Variants in MYH15 observed in about 807,000 individuals in gnomAD.
MYH15 encodes myosin-15.
MYH15 carries 227 observed loss-of-function variants against 240.5 expected under a neutral mutation model. The ratio of observed to expected loss-of-function variants is 0.94; its 90% CI spans 0.85 to 1.05. MYH15 has a LOEUF of 1.05. MYH15 is among the 50% of genes least tolerant of loss of function. The pLI is 0.00. For synonymous variants in MYH15, 785 were observed against 796.7 expected (o/e 0.99, Z 0.25); for missense variants, 2,217 against 2,247.5 (o/e 0.99, Z 0.27).
chr3:108,487,059 T>C (rs6437784), intron 9 of MYH15, among the ~76,000 whole-genome samples: 5,883 of 152,244 alleles, frequency 0.039, 370 homozygotes, highest in African/African-American at 0.13. Context: ...TTTCAAGGGA[T>C]CCATAAATCA....
chr3:108,392,057 C>T, intron 36 of MYH15, 127 bp from the exon 37 acceptor site: 1 of 1,018,152 alleles, frequency 9.8e-7, no homozygotes, highest in Non-Finnish European at 1.5e-6. Flanking sequence ...GATCTCTTCC[C>T]ATTATAATCT....
intron 12 of MYH15, among the ~76,000 whole-genome samples, chr3:108,474,557 C>A (rs904146585): frequency 1.3e-5 from 2 of 150,962 alleles, no homozygotes; most frequent in Non-Finnish European, 2.9e-5. Flanking sequence ...TATTTTGATA[C>A]ATGTATACAA....
Position 108,389,026 on chromosome 3 carries a change from C to G in MYH15, c.5479G>C (p.Glu1827Gln), listed in dbSNP as rs1161579210. Residue 1827 changes from glutamate (E) to glutamine (Q), a missense_variant, in exon 38 of 41, where the codon GAG (glutamate) becomes CAG (glutamine). Transcript: ENST00000693548. ...AGTCTGCGGGCTCCCCTCTGGGCCTCTGCACTGCGACGGATTTCACCCTCC... is the reference window on the plus strand; with the variant it reads ...AGTCTGCGGGCTCCCCTCTGGGCCTGTGCACTGCGACGGATTTCACCCTCC... ...ELEGEIRRSA[E>Q]AQRGARRLER... 1.7e-5 allele frequency: 27 copies of G among 1,613,958 alleles called. No individual in the cohort carries two copies. The highest frequency in any genetic ancestry group is 2.3e-5 in the Non-Finnish European group (27 of 1,179,882).
intron 37 of MYH15, among the ~76,000 whole-genome samples, chr3:108,390,767 G>A (rs183282972): frequency 5.4e-4 from 82 of 152,188 alleles, no homozygotes; most frequent in African/African-American, 1.8e-3. Context: ...AAATTTTAGA[G>A]ACTGCTGAGT....
At position 108,445,154 on chromosome 3, in the gene MYH15, A is replaced by G. The variant is rs144646591; in HGVS notation, c.2400-259T>C. The stretch of plus-strand genomic sequence containing the variant: ...ATTCTTTGAATGAGAGCTGAACCTA[A>G]AGAGAGTAAGACATATAGAAGGCAC... On this transcript the variant is annotated intron_variant, in intron 21 of 40. Coordinates refer to ENST00000693548, the MANE Select transcript of MYH15 (RefSeq NM_014981.3). 8.9e-3 allele frequency among the ~76,000 whole-genome samples: 1,351 copies of G among 152,342 alleles called. 16 individuals are homozygous for G. The highest frequency in any genetic ancestry group is 0.031 in the African/African-American group (1,288 of 41,576).
chr3:108,419,294 T>G (rs148316978), intron 28 of MYH15, among the ~76,000 whole-genome samples: 3 of 151,996 alleles, frequency 2.0e-5, no homozygotes, highest in Admixed American at 2.0e-4. Context: ...TTGAATAAAT[T>G]TGTACTTCTA....
chr3:108,497,156 G>GAA, intron 6 of MYH15, among the ~76,000 whole-genome samples: 1 of 30,500 alleles, frequency 3.3e-5, no homozygotes, highest in Non-Finnish European at 5.1e-5. Flanking sequence ...GCGAGACTCC[G>GAA]TAAAAAAAAA....
At chr3:108,399,675 T>C (rs745758567) in intron 33 of MYH15, among the ~76,000 whole-genome samples, 2 of 152,282 alleles carry the variant, frequency 1.3e-5, no homozygotes, top group South Asian at 2.1e-4. Flanking sequence ...CTACTTTCAA[T>C]GATGAAAAAT....
intron 26 of MYH15, among the ~76,000 whole-genome samples, chr3:108,429,871 A>G (rs1349600937): frequency 6.6e-6 from 1 of 152,220 alleles, no homozygotes; most frequent in Admixed American, 6.5e-5. Context: ...CCAACTGGTT[A>G]TCATGGGATC....
At chr3:108,468,012 C>A (rs1214245957) in intron 14 of MYH15, among the ~76,000 whole-genome samples, 1 of 151,374 alleles carries the variant, frequency 6.6e-6, no homozygotes, top group Non-Finnish European at 1.5e-5. Context: ...GTTGCCCAGG[C>A]TGGAGTGCAG....
rs1209136553 is a variant in MYH15 at position 108,391,827 on chromosome 3, CT to C, written c.5362del (p.Arg1788GlyfsTer10). 1.2e-6 allele frequency: 2 copies of C among 1,614,084 alleles called. No individual in the cohort carries two copies. The highest frequency in any genetic ancestry group is 3.3e-5 in the Admixed American group (2 of 60,008). ...GGCCATCTGTTCAGCTTCAGCCAGC[CT>C]TTTCTGTAAGTCTGTAATTGTCTGC... ...MEQTITDLQK[R>X]LAEAEQMALM... is the part of the protein sequence containing the mutation. On this transcript the variant is annotated frameshift_variant, in exon 37 of 41. Coordinates refer to ENST00000693548, the MANE Select transcript of MYH15 (RefSeq NM_014981.3). LOFTEE classifies it high-confidence loss of function.
upstream of MYH15, among the ~76,000 whole-genome samples, chr3:108,514,500 C>T (rs946176658): frequency 6.6e-6 from 1 of 151,994 alleles, no homozygotes; most frequent in Non-Finnish European, 1.5e-5. Context: ...ATGTTAGGCC[C>T]AGGGGTACAA....
the MYH15 span, among the ~76,000 whole-genome samples, chr3:108,535,004 C>T: frequency 0.28 from 42,578 of 152,004 alleles, 6,774 homozygotes; most frequent in Non-Finnish European, 0.36. Flanking sequence ...TTTAACATAA[C>T]ACACAGCTCC....
intron 38 of MYH15, among the ~76,000 whole-genome samples, chr3:108,385,886 C>T (rs1441606025): frequency 6.6e-6 from 1 of 152,038 alleles, no homozygotes; most frequent in East Asian, 1.9e-4. Flanking sequence ...CCAAGCTATT[C>T]TCATCATCTG....
chr3:108,441,221 A>C lies in MYH15; in HGVS notation c.2695T>G (p.Trp899Gly). 6.2e-7 allele frequency: 1 copy of C among 1,614,024 alleles called. No homozygotes were observed. Among genetic ancestry groups the C allele is most frequent in the Non-Finnish European group, 8.5e-7 (1 of 1,179,956 alleles). Residue 899 changes from tryptophan (W) to glycine (G), a missense_variant, in exon 23 of 41, where the codon TGG becomes GGG. Transcript: ENST00000693548. The stretch of plus-strand genomic sequence containing the variant: ...AGCTGGATCTTGGATTTAATCAGCC[A>C]CTCGCACTGCTCTTCAACATTTGCC... ...TLANVEEQCE[W>G]LIKSKIQLEA...
intron 15 of MYH15, 75 bp from the exon 16 acceptor site, chr3:108,463,318 C>A: frequency 2.7e-6 from 4 of 1,466,452 alleles, no homozygotes; most frequent in Non-Finnish European, 3.7e-6. Flanking sequence ...CTGTGCATTA[C>A]CCCTTTTTTT....
chr3:108,417,184 T>G (rs954409185), intron 28 of MYH15, among the ~76,000 whole-genome samples: 15 of 152,302 alleles, frequency 9.8e-5, no homozygotes, highest in Non-Finnish European at 4.4e-5. Context: ...TAGTTACCAT[T>G]TATTGAGAAA....
chr3:108,481,362 T>C (rs2083265295), intron 11 of MYH15, among the ~76,000 whole-genome samples: 2 of 152,180 alleles, frequency 1.3e-5, no homozygotes. Context: ...AACCTGGAAA[T>C]ATAGCAGTGA....
At chr3:108,548,735 A>G in the MYH15 span, among the ~76,000 whole-genome samples, 1 of 152,264 alleles carries the variant, frequency 6.6e-6, no homozygotes, top group Non-Finnish European at 1.5e-5. Flanking sequence ...TAAGACTTTG[A>G]GTTTTAGGAA....
Sources: allele counts gnomAD v4.1 joint callset (sites outside exome capture counted in the v4.1 genomes callset), GRCh38; gene constraint gnomAD v4.1.1; transcripts MANE v1.5; gene names NCBI Gene and HGNC (gene_info 2026-07-23, HGNC 2026-07-21).